Variants in NAV2 observed in about 807,000 individuals in gnomAD.
NAV2 encodes neuron navigator 2, also known as helicase, APC down-regulated 1.
In NAV2, 54 loss-of-function variants were observed where a neutral mutation model predicts 223.2. The ratio of observed to expected loss-of-function variants is 0.24; its 90% CI spans 0.19 to 0.30. The LOEUF (loss-of-function observed/expected upper bound fraction) is 0.30, where lower values mean the gene tolerates loss of function less well. Ranked by LOEUF, NAV2 falls within the 10% of genes least tolerant of loss-of-function variation. NAV2 has a pLI of 1.00. For synonymous variants in NAV2, 1,279 were observed against 1,239.3 expected, an observed-to-expected ratio of 1.03 and a Z score of -0.67; for missense variants, 2,806 against 3,147.5, an observed-to-expected ratio of 0.89 and a Z score of 2.60.
At chr11:19,741,701 A>G (rs1317800221) in intron 1 of NAV2, among the ~76,000 whole-genome samples, 18 of 42,936 alleles carry the variant, frequency 4.2e-4, no homozygotes, top group East Asian at 8.6e-4. Context: ...ATATATATAT[A>G]TATATATATA....
At chr11:19,866,014 T>G (rs1292142855) in intron 3 of NAV2, among the ~76,000 whole-genome samples, 1 of 152,228 alleles carries the variant, frequency 6.6e-6, no homozygotes, top group Non-Finnish European at 1.5e-5. Flanking sequence ...CATTGACCTG[T>G]GTAATCTTGG....
At position 19,486,748 on chromosome 11, in the gene NAV2, C is replaced by T. The variant is rs1274101044; in HGVS notation, c.75+135721C>T. On this transcript the variant is annotated intron_variant, in intron 1 of 37. Transcript: ENST00000360655. Reference sequence around the variant, plus strand: ...TAGCAGTGTGAGAATGGACTAATACCGTCACTCTCTCTATCTTTCATCCTT... The same window carrying T: ...TAGCAGTGTGAGAATGGACTAATACTGTCACTCTCTCTATCTTTCATCCTT... Among the ~76,000 whole-genome samples the T allele has an allele frequency of 3.3e-5, 5 of 152,118 alleles. No homozygotes were observed. The South Asian group carries it at 6.2e-4, about 19-fold the overall frequency.
intron 1 of NAV2, among the ~76,000 whole-genome samples, chr11:19,797,704 A>G (rs1216424181): frequency 6.6e-6 from 1 of 152,108 alleles, no homozygotes; most frequent in Admixed American, 6.5e-5. Flanking sequence ...GAATTCAGAA[A>G]TACCTGCTTT....
At chr11:20,003,269 T>C (rs1297072213) in intron 11 of NAV2, among the ~76,000 whole-genome samples, 2 of 152,180 alleles carry the variant, frequency 1.3e-5, no homozygotes, top group East Asian at 3.9e-4. Flanking sequence ...GAACTGGCAA[T>C]TGATCAGGAT....
At chr11:19,361,804 A>G (rs1244835986) in intron 1 of NAV2, among the ~76,000 whole-genome samples, 1 of 152,024 alleles carries the variant, frequency 6.6e-6, no homozygotes, top group Non-Finnish European at 1.5e-5. Context: ...AAAAAAATCT[A>G]ATTTCTGCTT....
chr11:19,366,790 G>A (rs532668929), intron 1 of NAV2, among the ~76,000 whole-genome samples: 1 of 152,130 alleles, frequency 6.6e-6, no homozygotes, highest in Non-Finnish European at 1.5e-5. Context: ...AGAAAACACT[G>A]AGAATGTGCA....
At chr11:19,529,354 G>A (rs2043951649) in intron 1 of NAV2, among the ~76,000 whole-genome samples, 1 of 152,214 alleles carries the variant, frequency 6.6e-6, no homozygotes, top group South Asian at 2.1e-4. Context: ...TTGCTGGGCA[G>A]TAGATTTAGT....
rs556763729 is a variant in NAV2, at chr11:19,866,062, C to T, written c.439-2863C>T. On this transcript the variant is annotated intron_variant, in intron 3 of 37. Coordinates refer to ENST00000349880, the MANE Select transcript of NAV2 (RefSeq NM_145117.5). ...CTTCCTTACCTCACTTTCTGTATCA[C>T]GTAATACTTGCTAAAACCAACACCA... 2.0e-4 allele frequency among the ~76,000 whole-genome samples: 30 copies of T among 152,350 alleles called. 1 individual carries two copies. Among genetic ancestry groups the T allele is most frequent in the Admixed American group, 1.2e-3 (18 of 15,308 alleles).
At chr11:19,405,525 G>A (rs951712130) in intron 1 of NAV2, among the ~76,000 whole-genome samples, 2 of 152,184 alleles carry the variant, frequency 1.3e-5, no homozygotes, top group South Asian at 4.1e-4. Context: ...AGGTGTGTGT[G>A]TCCTGAGAAT....
intron 1 of NAV2, among the ~76,000 whole-genome samples, chr11:19,509,796 T>C (rs2043222125): frequency 6.6e-6 from 1 of 152,152 alleles, no homozygotes; most frequent in Non-Finnish European, 1.5e-5. Flanking sequence ...CACTGGGCAG[T>C]TGAGCCCCTG....
Position 19,859,325 on chromosome 11 carries a change from A to G in NAV2, c.439-9600A>G, listed in dbSNP as rs538509043. Reference sequence around the variant, plus strand: ...TTTGTGTCCCTGGGTACTTGAGATTAGGGAGTGGTGATGACTCTTAACGAG... The same window carrying G: ...TTTGTGTCCCTGGGTACTTGAGATTGGGGAGTGGTGATGACTCTTAACGAG... On this transcript the variant is annotated intron_variant, in intron 3 of 37. Transcript: ENST00000349880. Among the ~76,000 whole-genome samples the G allele has an allele frequency of 4.3e-4, 64 of 150,126 alleles. No homozygotes were observed. In the South Asian group the frequency reaches 4.4e-3, roughly 10 times the overall value.
At chr11:20,034,536 C>T (rs754052299) in intron 11 of NAV2, among the ~76,000 whole-genome samples, 25 of 152,018 alleles carry the variant, frequency 1.6e-4, no homozygotes, top group Non-Finnish European at 2.4e-4. Context: ...TGTGCCACCA[C>T]CCCCGGCTAA....
intron 1 of NAV2, among the ~76,000 whole-genome samples, chr11:19,510,082 A>G (rs965468810): frequency 2.6e-5 from 4 of 152,220 alleles, no homozygotes; most frequent in Non-Finnish European, 5.9e-5. Context: ...GAGAAATACC[A>G]GAAGAACCTT....
chr11:20,075,832 C>G (rs2059709390), intron 22 of NAV2, among the ~76,000 whole-genome samples: 1 of 150,038 alleles, frequency 6.7e-6, no homozygotes, highest in Non-Finnish European at 1.5e-5. Flanking sequence ...TCAGTCATCT[C>G]CTCCTCTCGA....
rs756980975 is a variant in NAV2 at position 19,713,974 on chromosome 11, C to A, written c.267+12C>A. On this transcript the variant is annotated intron_variant, in intron 1 of 37. Coordinates refer to ENST00000349880, the MANE Select transcript of NAV2 (RefSeq NM_145117.5). The surrounding 1 kb of genome is among the most constrained non-coding windows in gnomAD (Gnocchi z 7.2). ...GGTTCGATACCCAGGTGAGAGATGC[C>A]GTTTGCCGGGGTACTGTTCTGGAAG... 1 of 1,612,360 alleles carries A rather than the reference C, an allele frequency of 6.2e-7. No homozygotes were observed. The highest frequency in any genetic ancestry group is 8.5e-7 in the Non-Finnish European group (1 of 1,179,578).
chr11:19,367,496 T>C (rs958105181), intron 1 of NAV2, among the ~76,000 whole-genome samples: 13 of 152,190 alleles, frequency 8.5e-5, no homozygotes, highest in Non-Finnish European at 1.8e-4. Flanking sequence ...GAACTATTCA[T>C]CCAAACAATG....
At chr11:19,913,814 C>A (rs1198655441) in intron 6 of NAV2, among the ~76,000 whole-genome samples, 1 of 152,196 alleles carries the variant, frequency 6.6e-6, no homozygotes, top group East Asian at 1.9e-4. Context: ...TGGATGGTGA[C>A]TAGCTCTACG....
chr11:19,918,597 T>A (rs1359531802), intron 6 of NAV2, among the ~76,000 whole-genome samples: 1 of 152,250 alleles, frequency 6.6e-6, no homozygotes, highest in East Asian at 1.9e-4. Context: ...GGAATAGATA[T>A]GCCCCTGGAA....
intron 1 of NAV2, among the ~76,000 whole-genome samples, chr11:19,489,996 G>T (rs1035348289): frequency 2.6e-5 from 4 of 152,252 alleles, no homozygotes; most frequent in African/African-American, 7.2e-5. Context: ...TGAGTCACAT[G>T]AATTTTTTAT....
Sources: allele counts gnomAD v4.1 joint callset (sites outside exome capture counted in the v4.1 genomes callset), GRCh38; gene constraint gnomAD v4.1.1; non-coding constraint Gnocchi (gnomAD v3.1); transcripts MANE v1.5; gene names NCBI Gene and HGNC (gene_info 2026-07-23, HGNC 2026-07-21).